The following F13B variants were observed in gnomAD, a reference collection of about 807,000 sequenced individuals.
F13B encodes TGase.
Under a neutral mutation model 79.8 loss-of-function variants are expected in F13B, and 58 were observed. That is an observed-to-expected ratio of 0.73 (90% CI 0.59 to 0.90). The LOEUF (loss-of-function observed/expected upper bound fraction) is 0.90, where lower values mean the gene tolerates loss of function less well. F13B is among the 40% of genes least tolerant of loss of function. The pLI is 0.00. For synonymous variants in F13B, 283 were observed against 260.3 expected (o/e 1.09, Z -0.84); for missense variants, 773 against 777.0 (o/e 0.99, Z 0.06).
At chr1:197,062,675 T>C (rs1655905308) in intron 2 of F13B, among the ~76,000 whole-genome samples, 182 bp downstream of exon 2, 1 of 152,210 alleles carries the variant, frequency 6.6e-6, no homozygotes, top group Non-Finnish European at 1.5e-5. Context: ...AACATTTTAA[T>C]GTAAAAGCAT....
At chr1:197,061,166 T>C in intron 3 of F13B, 91 bp from the exon 4 acceptor site, 1 of 718,128 alleles carries the variant, frequency 1.4e-6, no homozygotes, top group Non-Finnish European at 2.1e-6. Context: ...ATCTTAAGAA[T>C]ACATGGTAAA....
intron 9 of F13B, among the ~76,000 whole-genome samples, chr1:197,051,795 T>C (rs923017254): frequency 2.0e-4 from 30 of 152,188 alleles, no homozygotes; most frequent in African/African-American, 7.2e-4. Flanking sequence ...TTTCCTCATA[T>C]GTTTGTTGGC....
At chr1:197,039,614 T>G (rs980984602) in intron 11 of F13B, among the ~76,000 whole-genome samples, 1 of 152,110 alleles carries the variant, frequency 6.6e-6, no homozygotes, top group Admixed American at 6.6e-5. Context: ...CATGATTTTT[T>G]AAATATTTTC....
Position 197,040,542 on chromosome 1 carries a change from T to C in F13B, c.1932A>G (p.Pro644=). The C allele has an allele frequency of 6.2e-7, 1 of 1,612,320 alleles. No individual in the cohort carries two copies. Among genetic ancestry groups the C allele is most frequent in the Admixed American group, 1.7e-5 (1 of 59,968 alleles). Residue 644 remains proline (P), a synonymous_variant, in exon 11 of 12, where the codon CCA becomes CCG. Transcript: ENST00000367412. ...MQCDRGQLKY[P]RCIPRQSTLS... is the part of the protein sequence containing the mutation. ...CTTACCTTTGTCTTGGAATACATCT[T>C]GGATATTTTAACTGCCCTCTGTCAC...
chr1:197,062,413 T>C (rs1163696247), intron 2 of F13B, among the ~76,000 whole-genome samples: 1 of 152,148 alleles, frequency 6.6e-6, no homozygotes, highest in African/African-American at 2.4e-5. Flanking sequence ...AAACACATTT[T>C]TCAATGGGTA....
intron 3 of F13B, among the ~76,000 whole-genome samples, chr1:197,061,512 TA>T (rs1655862920): frequency 6.6e-6 from 1 of 152,142 alleles, no homozygotes; most frequent in African/African-American, 2.4e-5. Flanking sequence ...TAGTGACATA[TA>T]AAGAAAAAGC....
intron 10 of F13B, among the ~76,000 whole-genome samples, chr1:197,045,660 T>C (rs567182356): frequency 1.3e-5 from 2 of 152,206 alleles, no homozygotes; most frequent in Non-Finnish European, 2.9e-5. Flanking sequence ...ATTCATTTAA[T>C]GAAGTCAGCA....
At chr1:197,053,282 T>C (rs1571560532) in intron 8 of F13B, among the ~76,000 whole-genome samples, 2 of 152,214 alleles carry the variant, frequency 1.3e-5, no homozygotes, top group South Asian at 2.1e-4. Context: ...GCTGATATGG[T>C]TTGGCTGTGT....
rs545054119 is a variant in F13B, at chr1:197,040,900, T to C, written c.1739-165A>G. Among the ~76,000 whole-genome samples the C allele has an allele frequency of 5.3e-5, 8 of 152,074 alleles. 1 individual carries two copies. The South Asian group carries it at 1.7e-3, about 32-fold the overall frequency. On this transcript the variant is annotated intron_variant, in intron 10 of 11. Transcript: ENST00000367412. ...CAGAATTAATATTTGAGTCAGAAAA[T>C]ATGTTCAAATCTCACAGAAAACAGT...
Position 197,060,302 on chromosome 1 carries a change from A to C in F13B, c.805+64T>G, listed in dbSNP as rs1655803165. ...GATATGACCACAGGAATTTTGTCAG[A>C]GCTAATAGAGATTAAAGCTGATAAA... On this transcript the variant is annotated intron_variant, in intron 5 of 11. Transcript: ENST00000367412. 3.1e-6 allele frequency: 4 copies of C among 1,274,204 alleles called. 1 individual carries two copies. In the South Asian group the frequency reaches 4.8e-5, roughly 15 times the overall value. 78.9% of individuals were successfully genotyped at this position (1,274,204 alleles called of 1,614,324 possible).
chr1:197,055,182 C>A (rs1655594251), intron 8 of F13B, among the ~76,000 whole-genome samples: 1 of 151,842 alleles, frequency 6.6e-6, no homozygotes, highest in African/African-American at 2.4e-5. Flanking sequence ...ATTTAGAAGA[C>A]CATTTATTAT....
chr1:197,060,730 T>C (rs1168315013), intron 4 of F13B, among the ~76,000 whole-genome samples, 169 bp downstream of exon 4: 2 of 152,174 alleles, frequency 1.3e-5, no homozygotes, highest in Non-Finnish European at 2.9e-5. Flanking sequence ...AAAATGAATT[T>C]ATTCTACTTG....
chr1:197,063,669 A>G (rs1298087532), intron 1 of F13B, among the ~76,000 whole-genome samples: 1 of 152,168 alleles, frequency 6.6e-6, no homozygotes, highest in Non-Finnish European at 1.5e-5. Flanking sequence ...TAATTTAAAA[A>G]TTTCTAATAG....
intron 1 of F13B, among the ~76,000 whole-genome samples, chr1:197,064,878 T>C (rs1321784678): frequency 6.6e-6 from 1 of 152,142 alleles, no homozygotes; most frequent in African/African-American, 2.4e-5. Context: ...AAGGCCTAGA[T>C]CCAGTGTGAT....
intron 2 of F13B, 78 bp from the exon 3 acceptor site, chr1:197,062,047 TATA>T: frequency 8.0e-7 from 1 of 1,249,992 alleles, no homozygotes; most frequent in Non-Finnish European, 1.1e-6. Flanking sequence ...AAGCCAAAAG[TATA>T]ATGTTATTAT....
rs1229608837 is a variant in F13B, at chr1:197,061,860, A to G, written c.375T>C (p.Thr125=). 6.2e-7 allele frequency: 1 copy of G among 1,613,376 alleles called. No individual in the cohort carries two copies. Among genetic ancestry groups the G allele is most frequent in the Non-Finnish European group, 8.5e-7 (1 of 1,179,626 alleles). ...RYGCASGYKT[T]GGKDEEVVQC... ...GAACCACTTCTTCATCCTTCCCTCC[A>G]GTGGTTTTGTACCCTGAAGCGCAAC... The change falls in exon 3 of 12, where the codon ACT becomes ACC. Residue 125 remains threonine, a synonymous_variant. Transcript: ENST00000367412.
At chr1:197,051,545 A>C (rs1465507586) in intron 9 of F13B, among the ~76,000 whole-genome samples, 1 of 152,148 alleles carries the variant, frequency 6.6e-6, no homozygotes, top group Non-Finnish European at 1.5e-5. Flanking sequence ...GAGTGCTCAC[A>C]AGAAGGTGAT....
At chr1:197,047,252 A>G (rs1655266706) in intron 10 of F13B, among the ~76,000 whole-genome samples, 1 of 152,164 alleles carries the variant, frequency 6.6e-6, no homozygotes, top group Non-Finnish European at 1.5e-5. Context: ...AATTTTTGCA[A>G]TCTATCCATC....
At chr1:197,058,906 T>G (rs1223933502) in intron 5 of F13B, among the ~76,000 whole-genome samples, 1 of 152,064 alleles carries the variant, frequency 6.6e-6, no homozygotes, top group Non-Finnish European at 1.5e-5. Context: ...GCTGGCTAAT[T>G]TGGAAGAGGA....
Sources: allele counts gnomAD v4.1 joint callset (sites outside exome capture counted in the v4.1 genomes callset), GRCh38; gene constraint gnomAD v4.1.1; transcripts MANE v1.5; gene names NCBI Gene and HGNC (gene_info 2026-07-23, HGNC 2026-07-21).